Variants in SUMF1 observed in about 807,000 individuals in gnomAD.
SUMF1 encodes the protein sulfatase modifying factor 1.
A neutral mutation model predicts 47.6 loss-of-function variants in SUMF1; 48 were observed. The observed-to-expected ratio is 1.01, with a 90% CI of 0.80 to 1.28. The LOEUF (loss-of-function observed/expected upper bound fraction) is 1.28, where lower values mean the gene tolerates loss of function less well. SUMF1 is among the 50% of genes most tolerant of loss of function. The pLI, the probability that SUMF1 is intolerant of heterozygous loss-of-function variation, is 0.00. For missense variants in SUMF1, 571 were observed against 485.4 expected (o/e 1.18, Z -1.66); for synonymous variants, 230 against 192.1 (o/e 1.20, Z -1.63).
intron 9 of SUMF1, among the ~76,000 whole-genome samples, chr3:4,063,089 CA>C (rs1673589185): frequency 2.6e-5 from 4 of 152,034 alleles, no homozygotes; most frequent in Admixed American, 2.6e-4. Context: ...GACATCTTTA[CA>C]TATGCCAATG....
chr3:4,196,621 A>G (rs181183940), intron 8 of SUMF1, among the ~76,000 whole-genome samples: 128 of 152,208 alleles, frequency 8.4e-4, no homozygotes, highest in Non-Finnish European at 1.6e-3. Flanking sequence ...GACCTTGGCT[A>G]AAGTACTATT....
intron 8 of SUMF1, among the ~76,000 whole-genome samples, chr3:4,191,800 G>C (rs2125143486): frequency 6.6e-6 from 1 of 152,206 alleles, no homozygotes; most frequent in East Asian, 1.9e-4. Flanking sequence ...AGTTAAGAGT[G>C]AATCAAGAAT....
chr3:4,201,750 A>G (rs1695544772), intron 8 of SUMF1, among the ~76,000 whole-genome samples: 1 of 152,020 alleles, frequency 6.6e-6, no homozygotes, highest in African/African-American at 2.4e-5. Context: ...ACTAACTTAC[A>G]TTCCAACCAA....
intron 8 of SUMF1, among the ~76,000 whole-genome samples, chr3:4,269,815 G>A (rs1697269128): frequency 1.3e-5 from 2 of 152,116 alleles, no homozygotes; most frequent in African/African-American, 4.8e-5. Flanking sequence ...TGAGGATCTG[G>A]CCCTATTAAA....
intron 8 of SUMF1, among the ~76,000 whole-genome samples, chr3:4,276,110 C>T (rs1360814577): frequency 6.6e-6 from 1 of 152,068 alleles, no homozygotes; most frequent in Non-Finnish European, 1.5e-5. Context: ...TCCATCTTCC[C>T]TGGGGAAATT....
intron 8 of SUMF1, among the ~76,000 whole-genome samples, chr3:4,309,202 T>C (rs1305324950): frequency 6.6e-6 from 1 of 152,136 alleles, no homozygotes; most frequent in Non-Finnish European, 1.5e-5. Flanking sequence ...TCAGAGAGAA[T>C]AGATTGTAAA....
At chr3:4,310,376 C>A (rs1423670137) in intron 8 of SUMF1, among the ~76,000 whole-genome samples, 1 of 152,128 alleles carries the variant, frequency 6.6e-6, no homozygotes, top group Non-Finnish European at 1.5e-5. Flanking sequence ...TGAGTGTAGT[C>A]ATTTTTTAAG....
chr3:4,146,798 G>A (rs1694204052), intron 8 of SUMF1, among the ~76,000 whole-genome samples: 1 of 144,662 alleles, frequency 6.9e-6, no homozygotes, highest in Non-Finnish European at 1.5e-5. Flanking sequence ...TTGGTTTTTT[G>A]TCCTTGCAAT....
rs1702438383 is a variant in SUMF1, at chr3:4,437,446, T to C, written c.519+11820A>G. On this transcript the variant is annotated intron_variant, in intron 3 of 8. Coordinates refer to ENST00000272902, the MANE Select transcript of SUMF1 (RefSeq NM_182760.4). ...AGAAAAATAAAACACAGGCCAGAAA[T>C]TGAGGAAAAAGAAGAGACAAAAACA... Among the ~76,000 whole-genome samples the C allele has an allele frequency of 2.0e-5, 3 of 149,984 alleles. No individual in the cohort carries two copies. In the South Asian group the frequency reaches 6.3e-4, roughly 32 times the overall value.
At chr3:4,073,556 T>A (rs1692339382) in intron 8 of SUMF1, among the ~76,000 whole-genome samples, 2 of 151,928 alleles carry the variant, frequency 1.3e-5, no homozygotes, top group South Asian at 4.2e-4. Flanking sequence ...GGATAAAGAG[T>A]CAAGACCCAT....
intron 8 of SUMF1, among the ~76,000 whole-genome samples, chr3:4,211,191 T>TAC (rs1411248039): frequency 3.8e-5 from 3 of 78,904 alleles, no homozygotes; most frequent in African/African-American, 5.2e-5. Context: ...TACATATACA[T>TAC]ATACATACAT....
At chr3:4,126,663 C>A (rs914653053) in intron 8 of SUMF1, among the ~76,000 whole-genome samples, 1 of 152,046 alleles carries the variant, frequency 6.6e-6, no homozygotes, top group African/African-American at 2.4e-5. Context: ...TCAGGAAGAA[C>A]TAAAACTGGC....
At chr3:4,367,673 A>G (rs1276776925) in intron 8 of SUMF1, among the ~76,000 whole-genome samples, 2 of 152,200 alleles carry the variant, frequency 1.3e-5, no homozygotes, top group Non-Finnish European at 2.9e-5. Context: ...GCCCTCAGAA[A>G]TAACGCCGCA....
At chr3:4,250,124 T>C (rs139761062) in intron 8 of SUMF1, among the ~76,000 whole-genome samples, 24 of 151,366 alleles carry the variant, frequency 1.6e-4, no homozygotes, top group Non-Finnish European at 2.8e-4. Context: ...CAGAGGTTAG[T>C]GGAAGCCAAG....
intron 8 of SUMF1, among the ~76,000 whole-genome samples, chr3:4,290,965 C>T (rs529935794): frequency 6.6e-6 from 1 of 152,098 alleles, no homozygotes; most frequent in Non-Finnish European, 1.5e-5. Flanking sequence ...ACTTTGTTGA[C>T]CAACTTTAAC....
intron 7 of SUMF1, among the ~76,000 whole-genome samples, chr3:4,382,802 C>G (rs915323029): frequency 3.9e-5 from 6 of 151,964 alleles, no homozygotes; most frequent in African/African-American, 7.3e-5. Flanking sequence ...CCATCATTCT[C>G]AACAAACTAA....
chr3:4,180,797 G>A (rs1378949839), intron 8 of SUMF1, among the ~76,000 whole-genome samples: 1 of 149,036 alleles, frequency 6.7e-6, no homozygotes. Context: ...AGGTTACAGT[G>A]AGCTGAGATC....
chr3:4,205,932 C>T (rs192114352), intron 8 of SUMF1, among the ~76,000 whole-genome samples: 10 of 152,154 alleles, frequency 6.6e-5, no homozygotes, highest in African/African-American at 9.6e-5. Context: ...TGCCTGGCTA[C>T]CACTAATGTT....
At chr3:4,307,620 G>C (rs1049355067) in intron 8 of SUMF1, among the ~76,000 whole-genome samples, 23 of 152,300 alleles carry the variant, frequency 1.5e-4, no homozygotes, top group African/African-American at 5.5e-4. Flanking sequence ...TCAAGGATCT[G>C]ATTTCCAGTA....
Sources: allele counts gnomAD v4.1 joint callset (sites outside exome capture counted in the v4.1 genomes callset), GRCh38; gene constraint gnomAD v4.1.1; transcripts MANE v1.5; gene names NCBI Gene and HGNC (gene_info 2026-07-23, HGNC 2026-07-21).